Variants in HEATR5A observed in about 807,000 individuals in gnomAD.
HEATR5A encodes the protein HEAT repeat-containing protein 5A.
In HEATR5A, 178 loss-of-function variants were observed where a neutral mutation model predicts 218.8. The ratio of observed to expected loss-of-function variants is 0.81; its 90% CI spans 0.72 to 0.92. The LOEUF (loss-of-function observed/expected upper bound fraction) is 0.92, where lower values mean the gene tolerates loss of function less well. Among genes scored for constraint, HEATR5A ranks in the 40% least tolerant of loss-of-function variants. The probability of loss-of-function intolerance (pLI) is 0.00; values close to 1 mark genes in which losing one functional copy is unlikely to be tolerated. For missense variants in HEATR5A, 2,420 were observed against 2,418.9 expected, an observed-to-expected ratio of 1.00 and a Z score of -0.01; for synonymous variants, 864 against 871.6, an observed-to-expected ratio of 0.99 and a Z score of 0.15.
chr14:31,390,778 C>G (rs2030421586), intron 6 of HEATR5A, among the ~76,000 whole-genome samples: 1 of 152,116 alleles, frequency 6.6e-6, no homozygotes, highest in Non-Finnish European at 1.5e-5. Flanking sequence ...GTACATAATA[C>G]TTGATAATAA....
intron 28 of HEATR5A, 22 bp downstream of exon 28, chr14:31,312,946 T>C: frequency 6.5e-7 from 1 of 1,530,766 alleles, no homozygotes; most frequent in Non-Finnish European, 9.0e-7. Context: ...CTAGGAATTA[T>C]CTAAGTATTT....
chr14:31,322,950 A>G (rs1473398587), intron 24 of HEATR5A, among the ~76,000 whole-genome samples: 11 of 151,786 alleles, frequency 7.2e-5, no homozygotes. Flanking sequence ...AAACAGTAAG[A>G]GGTGGTCAAA....
At chr14:31,362,627 A>C (rs1035327898) in intron 14 of HEATR5A, among the ~76,000 whole-genome samples, 1 of 149,470 alleles carries the variant, frequency 6.7e-6, no homozygotes, top group African/African-American at 2.4e-5. Context: ...AAAAAAAAAA[A>C]AAAACTAGCT....
chr14:31,413,258 A>C (rs2031341706), intron 1 of HEATR5A, among the ~76,000 whole-genome samples: 1 of 152,190 alleles, frequency 6.6e-6, no homozygotes, highest in Admixed American at 6.5e-5. Context: ...ATTAGGATGG[A>C]GAAGTCAGGG....
chr14:31,302,695 G>A (rs1899423683), intron 32 of HEATR5A, 176 bp from the exon 33 acceptor site: 1 of 562,244 alleles, frequency 1.8e-6, no homozygotes, highest in Non-Finnish European at 3.1e-6. Context: ...TTTTATGGAT[G>A]GATTAAATCT....
At chr14:31,402,331 C>T (rs978247789) in intron 2 of HEATR5A, among the ~76,000 whole-genome samples, 13 of 152,160 alleles carry the variant, frequency 8.5e-5, no homozygotes, top group African/African-American at 2.7e-4. Context: ...CAACCAAACA[C>T]GGCAAAATGT....
chr14:31,398,242 C>A (rs1211904630), intron 4 of HEATR5A, among the ~76,000 whole-genome samples: 1 of 152,160 alleles, frequency 6.6e-6, no homozygotes, highest in Non-Finnish European at 1.5e-5. Flanking sequence ...TACACTCTTT[C>A]CCCTCAGATT....
At position 31,293,176 on chromosome 14, in the gene HEATR5A, C is replaced by T. The variant is rs758507803; in HGVS notation, c.*129G>A. 2 of 642,156 alleles carry T rather than the reference C, an allele frequency of 3.1e-6. No individual in the cohort carries two copies. The highest frequency in any genetic ancestry group is 5.2e-6 in the Non-Finnish European group (2 of 383,262). 39.8% of individuals were successfully genotyped at this position (642,156 alleles called of 1,614,324 possible). A position where few individuals can be genotyped will look rare whatever the true frequency, so the allele number is the denominator to read the frequency against. On this transcript the variant is annotated 3_prime_UTR_variant, in exon 36 of 36. Coordinates refer to ENST00000543095, the MANE Select transcript of HEATR5A (RefSeq NM_015473.4). ...TAAGTATGCTGTTACTTTGAAGAGT[C>T]ACAGCTATTTAAGGTAAAACAATCA...
At chr14:31,414,585 G>A (rs115102982) in intron 1 of HEATR5A, among the ~76,000 whole-genome samples, 2 of 152,298 alleles carry the variant, frequency 1.3e-5, no homozygotes, top group African/African-American at 4.8e-5. Context: ...GCACATCAGG[G>A]TTTACAGGAG....
intron 33 of HEATR5A, among the ~76,000 whole-genome samples, chr14:31,300,018 A>G (rs1377133202): frequency 6.6e-6 from 1 of 152,130 alleles, no homozygotes; most frequent in East Asian, 1.9e-4. Flanking sequence ...CCTGGGCAAC[A>G]GAGCGAGACT....
rs1184732148 is a variant in HEATR5A, at chr14:31,349,805, G to A, written c.2692C>T (p.Gln898Ter). ...TTCACTTACTTGTCAAAGCTAACTTGAGCTAATCCAGCAGTAAAAGCTCCA... is the reference window on the plus strand; with the variant it reads ...TTCACTTACTTGTCAAAGCTAACTTAAGCTAATCCAGCAGTAAAAGCTCCA... ...DDGAFTAGLA[Q>*]VSFDKLKSAR... Residue 898 changes from glutamine to a stop codon, truncating the protein, a stop_gained, in exon 18 of 36, where the codon CAA becomes TAA. Coordinates refer to ENST00000543095, the MANE Select transcript of HEATR5A (RefSeq NM_015473.4). LOFTEE classifies it high-confidence loss of function. 2 of 1,611,586 alleles carry A rather than the reference G, an allele frequency of 1.2e-6. No homozygotes were observed. Among genetic ancestry groups the A allele is most frequent in the Non-Finnish European group, 1.7e-6 (2 of 1,178,020 alleles).
chr14:31,345,385 G>T, intron 19 of HEATR5A, 109 bp from the exon 20 acceptor site: 1 of 790,558 alleles, frequency 1.3e-6, no homozygotes, highest in Non-Finnish European at 2.0e-6. Flanking sequence ...CAGCAAATGT[G>T]AATGCTACTA....
intron 11 of HEATR5A, 127 bp from the exon 12 acceptor site, chr14:31,375,095 T>G: frequency 1.3e-6 from 1 of 779,644 alleles, no homozygotes; most frequent in Non-Finnish European, 2.0e-6. Flanking sequence ...GTCCCCTTTC[T>G]TATCTTCAGG....
intron 9 of HEATR5A, among the ~76,000 whole-genome samples, chr14:31,384,158 C>T (rs1163545491): frequency 6.6e-6 from 1 of 151,960 alleles, no homozygotes; most frequent in Non-Finnish European, 1.5e-5. Context: ...AATGTCACAC[C>T]CTGGCCAGCT....
Position 31,383,673 on chromosome 14 carries a change from A to C in HEATR5A, c.1444T>G (p.Ser482Ala), listed in dbSNP as rs1247607726. 1.4e-5 allele frequency: 23 copies of C among 1,613,858 alleles called. No homozygotes were observed. The highest frequency in any genetic ancestry group is 1.9e-5 in the Non-Finnish European group (22 of 1,179,886). Residue 482 changes from serine (S) to alanine (A), a missense_variant, in exon 10 of 36, where the codon TCC becomes GCC. Physicochemically the swap from Ser to Ala is moderately conservative, Grantham distance 99. Coordinates refer to ENST00000543095, the MANE Select transcript of HEATR5A (RefSeq NM_015473.4). ...CLHCIAVALP[S>A]YLTPLLDRCL... is the part of the protein sequence containing the mutation. ...CGATCCAAGAGTGGTGTTAGGTAGG[A>C]GGGTAATGCCACGGCAATGCAGTGT...
intron 35 of HEATR5A, 66 bp downstream of exon 35, chr14:31,293,825 A>C: frequency 7.5e-7 from 1 of 1,330,894 alleles, no homozygotes; most frequent in Non-Finnish European, 1.1e-6. Flanking sequence ...ATTGTTTTGC[A>C]ATTTAAATAA....
intron 22 of HEATR5A, among the ~76,000 whole-genome samples, chr14:31,336,229 T>C (rs1037676386): frequency 3.3e-4 from 18 of 55,190 alleles, no homozygotes; most frequent in African/African-American, 2.0e-3. Flanking sequence ...TATATATATA[T>C]ATATATATAT....
chr14:31,342,666 G>T (rs936686359), intron 21 of HEATR5A, among the ~76,000 whole-genome samples: 2 of 152,146 alleles, frequency 1.3e-5, no homozygotes, highest in Admixed American at 6.6e-5. Context: ...ATCTACAAAG[G>T]TAGTATGGAA....
chr14:31,318,186 C>T, intron 26 of HEATR5A, 38 bp downstream of exon 26: 2 of 1,568,020 alleles, frequency 1.3e-6, no homozygotes, highest in Non-Finnish European at 1.8e-6. Flanking sequence ...GACTGCTTCC[C>T]AAGATTATCT....
Sources: allele counts gnomAD v4.1 joint callset (sites outside exome capture counted in the v4.1 genomes callset), GRCh38; gene constraint gnomAD v4.1.1; transcripts MANE v1.5; gene names NCBI Gene and HGNC (gene_info 2026-07-23, HGNC 2026-07-21).